MAPK10: variants seen among roughly 807,000 people sequenced by gnomAD.
MAPK10 encodes the protein JNK3 alpha protein kinase.
A neutral mutation model predicts 59.3 loss-of-function variants in MAPK10; 25 were observed. The ratio of observed to expected loss-of-function variants is 0.42; its 90% CI spans 0.31 to 0.59. The LOEUF (loss-of-function observed/expected upper bound fraction) is 0.59. Among genes scored for constraint, MAPK10 ranks in the 20% least tolerant of loss-of-function variants. The pLI, the probability that MAPK10 is intolerant of heterozygous loss-of-function variation, is 0.15. For missense variants in MAPK10, 351 were observed against 568.9 expected (o/e 0.62, Z 3.90); for synonymous variants, 190 against 200.5 (o/e 0.95, Z 0.44).
rs541367369 is a variant in MAPK10 at position 86,413,551 on chromosome 4, T to TG, written c.-122+39478dup. Among the ~76,000 whole-genome samples, 53 of 152,318 alleles carry TG rather than the reference T, an allele frequency of 3.5e-4. 1 individual carries two copies. The highest frequency in any genetic ancestry group is 1.2e-3 in the African/African-American group (51 of 41,578). On this transcript the variant is annotated intron_variant, in intron 1 of 13. Coordinates refer to the MAPK10 transcript ENST00000361569. Reference sequence around the variant, plus strand: ...AGAGACAGTAGTCCTTGCTGAGCTGTGGTGGGCTCTGCCCAGTTCAAGCTT... The same window carrying TG: ...AGAGACAGTAGTCCTTGCTGAGCTGTGGGTGGGCTCTGCCCAGTTCAAGCTT...
chr4:86,165,365 C>A (rs1194477278), intron 3 of MAPK10, among the ~76,000 whole-genome samples: 1 of 151,864 alleles, frequency 6.6e-6, no homozygotes, highest in Non-Finnish European at 1.5e-5. Context: ...AAATTATTTA[C>A]ATATGAGATT....
intron 13 of MAPK10, among the ~76,000 whole-genome samples, chr4:86,018,768 A>G (rs1409194248): frequency 6.6e-6 from 1 of 152,252 alleles, no homozygotes; most frequent in Non-Finnish European, 1.5e-5. Context: ...CTAATCAAAT[A>G]AGAGATGAGG....
At chr4:86,183,029 T>A (rs1424477187) in intron 3 of MAPK10, among the ~76,000 whole-genome samples, 1 of 152,150 alleles carries the variant, frequency 6.6e-6, no homozygotes, top group African/African-American at 2.4e-5. Context: ...TTCTGTATTT[T>A]AAAAAATGGC....
At chr4:86,572,598 C>T (rs749827739) in intron 1 of MAPK10, among the ~76,000 whole-genome samples, 2 of 152,056 alleles carry the variant, frequency 1.3e-5, no homozygotes, top group African/African-American at 2.4e-5. Flanking sequence ...ATACAGGTTT[C>T]GAGACAAAAT....
intron 1 of MAPK10, among the ~76,000 whole-genome samples, chr4:86,475,353 A>C: frequency 6.6e-6 from 1 of 152,136 alleles, no homozygotes; most frequent in Non-Finnish European, 1.5e-5. Context: ...AGCCCAAGGA[A>C]CATCACACCA....
In MAPK10 at chr4:86,188,018, T is replaced by C. The variant is rs145824475; in HGVS notation, c.66+6318A>G. ...CATGGGATGTTTGGCTTTCTGTTCC[T>C]GTTAGTTTGCTAAGAATGATGGTTT... On this transcript the variant is annotated intron_variant, in intron 3 of 13. Coordinates refer to ENST00000641462, the MANE Select transcript of MAPK10 (RefSeq NM_138982.4). Among the ~76,000 whole-genome samples, 1,283 of 152,264 alleles carry C rather than the reference T, an allele frequency of 8.4e-3. 20 individuals carry two copies. Among genetic ancestry groups the C allele is most frequent in the African/African-American group, 0.029 (1,222 of 41,558 alleles).
At chr4:86,232,246 G>A (rs920635915) in intron 2 of MAPK10, among the ~76,000 whole-genome samples, 3 of 152,136 alleles carry the variant, frequency 2.0e-5, no homozygotes, top group Non-Finnish European at 4.4e-5. Flanking sequence ...ATAAACATGA[G>A]CAAAATGACC....
At chr4:86,439,723 G>A (rs1749193813) in intron 1 of MAPK10, among the ~76,000 whole-genome samples, 1 of 152,188 alleles carries the variant, frequency 6.6e-6, no homozygotes, top group Non-Finnish European at 1.5e-5. Context: ...ACGTGTGAGA[G>A]TTCTAGTTGT....
chr4:86,351,264 A>G (rs1731186623), intron 2 of MAPK10, among the ~76,000 whole-genome samples: 1 of 151,956 alleles, frequency 6.6e-6, no homozygotes, highest in African/African-American at 2.4e-5. Flanking sequence ...TTATATATAT[A>G]TATATACACA....
rs377260436 is a variant in MAPK10, at chr4:86,281,366, T to G, written c.-7+73164A>C. ...CTACAAAAAAATTAGCTGGGTGTGG[T>G]GGTGCACACCTGTAATGCCACCTAC... On this transcript the variant is annotated intron_variant, in intron 2 of 13. Coordinates refer to ENST00000641462, the MANE Select transcript of MAPK10 (RefSeq NM_138982.4). Among the ~76,000 whole-genome samples, 457 of 152,056 alleles carry G rather than the reference T, an allele frequency of 3.0e-3. 8 individuals are homozygous for G. In the Middle Eastern group the frequency reaches 0.037, roughly 12 times the overall value.
At chr4:86,288,809 G>C (rs1235532806) in intron 2 of MAPK10, among the ~76,000 whole-genome samples, 1 of 151,940 alleles carries the variant, frequency 6.6e-6, no homozygotes. Context: ...AAATAGGAGG[G>C]TATGGAAATT....
chr4:86,031,232 G>C, intron 12 of MAPK10, 136 bp downstream of exon 12: 1 of 649,364 alleles, frequency 1.5e-6, no homozygotes, highest in African/African-American at 1.8e-5. Flanking sequence ...TGAAGTTTTA[G>C]GAGCTTTAAA....
At chr4:86,210,347 G>A (rs573735536) in intron 2 of MAPK10, among the ~76,000 whole-genome samples, 1 of 151,860 alleles carries the variant, frequency 6.6e-6, no homozygotes, top group South Asian at 2.1e-4. Flanking sequence ...CCCAAAGAAT[G>A]GGAGAAAATA....
chr4:86,557,092 C>T (rs1330247580), intron 1 of MAPK10, among the ~76,000 whole-genome samples: 1 of 151,790 alleles, frequency 6.6e-6, no homozygotes, highest in Non-Finnish European at 1.5e-5. Context: ...GGCTATCAAT[C>T]TTGACATTTA....
intron 2 of MAPK10, among the ~76,000 whole-genome samples, chr4:86,281,182 T>C (rs1322618451): frequency 6.6e-6 from 1 of 152,178 alleles, no homozygotes; most frequent in Non-Finnish European, 1.5e-5. Context: ...GTGTTTATCT[T>C]AATACCAATA....
chr4:86,575,129 T>G (rs1039775638), intron 1 of MAPK10, among the ~76,000 whole-genome samples: 1 of 152,178 alleles, frequency 6.6e-6, no homozygotes, highest in Admixed American at 6.5e-5. Flanking sequence ...TTTCTTCCTG[T>G]CTGCCTGTTT....
intron 1 of MAPK10, among the ~76,000 whole-genome samples, chr4:86,531,143 C>T (rs1757821099): frequency 6.6e-6 from 1 of 152,200 alleles, no homozygotes; most frequent in Admixed American, 6.5e-5. Context: ...TTGAAGAGCA[C>T]TGGGGATTTA....
intron 1 of MAPK10, among the ~76,000 whole-genome samples, chr4:86,412,192 GA>G (rs2149027613): frequency 6.6e-6 from 1 of 152,306 alleles, no homozygotes; most frequent in East Asian, 1.9e-4. Context: ...ATTCTGGGTT[GA>G]AAATTCTTTC....
Position 86,500,294 on chromosome 4 carries a change from C to T in MAPK10, c.-263+93616G>A, listed in dbSNP as rs144210613. Among the ~76,000 whole-genome samples, 240 of 152,230 alleles carry T rather than the reference C, an allele frequency of 1.6e-3. 1 individual carries two copies. Among genetic ancestry groups the T allele is most frequent in the African/African-American group, 4.7e-3 (194 of 41,538 alleles). On this transcript the variant is annotated intron_variant, in intron 1 of 4. Transcript: ENST00000502302. ...AGAAGCAGATCAGCTTATTTGAAATCGGGTTGTGCTAGAATACCCAGATCA... is the reference window on the plus strand; with the variant it reads ...AGAAGCAGATCAGCTTATTTGAAATTGGGTTGTGCTAGAATACCCAGATCA...
Sources: allele counts gnomAD v4.1 joint callset (sites outside exome capture counted in the v4.1 genomes callset), GRCh38; gene constraint gnomAD v4.1.1; transcripts MANE v1.5; gene names NCBI Gene and HGNC (gene_info 2026-07-23, HGNC 2026-07-21).